FAT4: variants seen among roughly 807,000 people sequenced by gnomAD.
FAT4 encodes protocadherin Fat 4.
FAT4 carries 84 observed loss-of-function variants against 303.9 expected under a neutral mutation model. The ratio of observed to expected loss-of-function variants is 0.28; its 90% CI spans 0.23 to 0.33. The LOEUF (loss-of-function observed/expected upper bound fraction) is 0.33, where lower values mean the gene tolerates loss of function less well. FAT4 is among the 10% of genes least tolerant of loss of function. The probability of loss-of-function intolerance (pLI) is 1.00; values close to 1 mark genes in which losing one functional copy is unlikely to be tolerated. For synonymous variants in FAT4, 2,307 were observed against 2,298.8 expected (o/e 1.00, Z -0.10); for missense variants, 6,005 against 6,146.8 (o/e 0.98, Z 0.77).
intron 2 of FAT4, 59 bp from the exon 3 acceptor site, chr4:125,398,725 A>T: frequency 6.5e-7 from 1 of 1,547,204 alleles, no homozygotes. Context: ...TAGTCATTTT[A>T]ATTGGTATCT....
At chr4:125,375,322 C>A (rs1343758823) in intron 2 of FAT4, among the ~76,000 whole-genome samples, 1 of 152,130 alleles carries the variant, frequency 6.6e-6, no homozygotes, top group Non-Finnish European at 1.5e-5. Context: ...GGTAAAGCAG[C>A]TAAATTATTT....
rs183183164 is a variant in FAT4 at position 125,356,300 on chromosome 4, C to T, written c.5175+34714C>T. ...GATAAAGCTAATGACATCTTTACAT[C>T]CCTGAGTAATTTGTCTTGAAAGTAA... On this transcript the variant is annotated intron_variant, in intron 2 of 17. Transcript: ENST00000394329. 1.6e-3 allele frequency among the ~76,000 whole-genome samples: 240 copies of T among 151,966 alleles called. 1 individual carries two copies. The highest frequency in any genetic ancestry group is 5.4e-3 in the African/African-American group (226 of 41,478).
At chr4:125,336,742 G>A (rs2125963657) in intron 2 of FAT4, among the ~76,000 whole-genome samples, 1 of 152,018 alleles carries the variant, frequency 6.6e-6, no homozygotes, top group South Asian at 2.1e-4. Context: ...TATTTTAATA[G>A]AGGAAATGAA....
intron 2 of FAT4, among the ~76,000 whole-genome samples, chr4:125,353,431 G>A (rs909253043): frequency 5.3e-5 from 8 of 151,486 alleles, no homozygotes; most frequent in Non-Finnish European, 1.2e-4. Context: ...GTTTAAAATT[G>A]TACTGTGCCC....
At chr4:125,426,117 G>T (rs1367027779) in intron 7 of FAT4, among the ~76,000 whole-genome samples, 1 of 151,988 alleles carries the variant, frequency 6.6e-6, no homozygotes. Flanking sequence ...GTTGAAGCTG[G>T]TCATTGCATT....
intron 8 of FAT4, among the ~76,000 whole-genome samples, chr4:125,440,735 A>C (rs1725633049): frequency 6.6e-6 from 1 of 152,016 alleles, no homozygotes; most frequent in Admixed American, 6.6e-5. Context: ...TTTTGCACCC[A>C]TATTTATAAC....
intron 3 of FAT4, among the ~76,000 whole-genome samples, chr4:125,401,961 T>C (rs541029995): frequency 5.3e-5 from 8 of 152,062 alleles, no homozygotes; most frequent in South Asian, 4.1e-4. Context: ...ACATGATATT[T>C]GTTTCTTGTT....
At chr4:125,333,161 G>T (rs1731449703) in intron 2 of FAT4, among the ~76,000 whole-genome samples, 1 of 151,886 alleles carries the variant, frequency 6.6e-6, no homozygotes, top group South Asian at 2.1e-4. Context: ...TGTAATTTAG[G>T]TAACTCATTG....
At chr4:125,487,220 C>G (rs940805922) in intron 16 of FAT4, 125 bp from the exon 17 acceptor site, 52 of 767,858 alleles carry the variant, frequency 6.8e-5, no homozygotes, top group Non-Finnish European at 9.6e-5. Context: ...TATTCTAATA[C>G]AACCAGATTC....
chr4:125,432,800 T>C (rs1016453541), intron 7 of FAT4, among the ~76,000 whole-genome samples: 1 of 103,870 alleles, frequency 9.6e-6, no homozygotes, highest in Non-Finnish European at 1.9e-5. Flanking sequence ...ATGAAACACT[T>C]AATATAAAAT....
chr4:125,477,233 C>A lies in FAT4; in HGVS notation c.12378C>A (p.His4126Gln). ...AACCAATCCTTCAGAGAAGAGGACA[C>A]GTGGAAAGCCATGATTTTGTTGGGT... ...SLEPILQRRGHVESHDFVGCI... is the reference protein window; with the variant it reads ...SLEPILQRRGQVESHDFVGCI... The change falls in exon 14 of 18, where the codon CAC (histidine) becomes CAA (glutamine). Residue 4126 changes from histidine (H) to glutamine (Q), a missense_variant. Transcript: ENST00000394329. The A allele has an allele frequency of 6.5e-7, 1 of 1,549,452 alleles. No homozygotes were observed. Among genetic ancestry groups the A allele is most frequent in the Non-Finnish European group, 8.7e-7 (1 of 1,144,342 alleles).
chr4:125,408,280 G>A (rs1309158527), intron 4 of FAT4, among the ~76,000 whole-genome samples, 164 bp from the exon 5 acceptor site: 1 of 152,086 alleles, frequency 6.6e-6, no homozygotes, highest in East Asian at 1.9e-4. Flanking sequence ...TAGGGAAATG[G>A]TAATATCAAA....
chr4:125,407,909 A>C (rs1734683734), intron 4 of FAT4, among the ~76,000 whole-genome samples: 1 of 152,092 alleles, frequency 6.6e-6, no homozygotes, highest in African/African-American at 2.4e-5. Context: ...CCATTTGGCA[A>C]AGGAATTAAA....
Position 125,449,610 on chromosome 4 carries a change from T to C in FAT4, c.8600T>C (p.Ile2867Thr). ...STDVTIFVTD[I>T]NDNAPRFSRT... Reference sequence around the variant, plus strand: ...GATGTCACAATATTTGTGACAGACATCAATGACAATGCTCCAAGATTTAGC... The same window carrying C: ...GATGTCACAATATTTGTGACAGACACCAATGACAATGCTCCAAGATTTAGC... The change falls in exon 10 of 18, where the codon ATC becomes ACC. Residue 2867 changes from isoleucine to threonine, a missense_variant. By Grantham distance (89) the Ile-to-Thr change is moderately conservative. Transcript: ENST00000394329. The C allele has an allele frequency of 6.2e-7, 1 of 1,613,912 alleles. No homozygotes were observed. Among genetic ancestry groups the C allele is most frequent in the Non-Finnish European group, 8.5e-7 (1 of 1,179,902 alleles).
chr4:125,357,584 A>G (rs1218772938), intron 2 of FAT4, among the ~76,000 whole-genome samples: 1 of 152,184 alleles, frequency 6.6e-6, no homozygotes, highest in Non-Finnish European at 1.5e-5. Context: ...TTTCATACAA[A>G]TACAAGAGAT....
At chr4:125,416,424 A>G (rs374116010) in intron 6 of FAT4, 24 bp from the exon 7 acceptor site, 9 of 1,573,136 alleles carry the variant, frequency 5.7e-6, no homozygotes, top group African/African-American at 2.7e-5. Flanking sequence ...TTTTACTCAC[A>G]TCTTGGTATG....
rs184971791 is a variant in FAT4 at position 125,320,337 on chromosome 4, A to G, written c.3926A>G (p.Asn1309Ser). ...CTLNIDILDE[N>S]DNTPSFPKST... Reference sequence around the variant, plus strand: ...TTAAATATTGATATTTTAGATGAAAATGACAATACCCCTTCTTTCCCTAAA... The same window carrying G: ...TTAAATATTGATATTTTAGATGAAAGTGACAATACCCCTTCTTTCCCTAAA... Residue 1309 changes from asparagine to serine, a missense_variant, in exon 2 of 18, where the codon AAT (asparagine) becomes AGT (serine). Physicochemically the swap from Asn to Ser is conservative, Grantham distance 46 (BLOSUM62 1). Coordinates refer to ENST00000394329, the MANE Select transcript of FAT4 (RefSeq NM_001291303.3). The G allele has an allele frequency of 6.8e-6, 11 of 1,613,864 alleles. No homozygotes were observed. The Admixed American group carries it at 1.2e-4, about 17-fold the overall frequency.
At chr4:125,447,193 C>G (rs1219876979) in intron 9 of FAT4, among the ~76,000 whole-genome samples, 1 of 152,026 alleles carries the variant, frequency 6.6e-6, no homozygotes, top group African/African-American at 2.4e-5. Context: ...GAAAGGCATA[C>G]TCTAAGAACT....
chr4:125,428,686 A>C (rs547538617), intron 7 of FAT4, among the ~76,000 whole-genome samples: 28 of 152,364 alleles, frequency 1.8e-4, no homozygotes, highest in African/African-American at 6.5e-4. Context: ...ATGTGCATAC[A>C]TATGTACACA....
Sources: allele counts gnomAD v4.1 joint callset (sites outside exome capture counted in the v4.1 genomes callset), GRCh38; gene constraint gnomAD v4.1.1; transcripts MANE v1.5; gene names NCBI Gene and HGNC (gene_info 2026-07-23, HGNC 2026-07-21).